The following VPS26C variants were observed in gnomAD, a reference collection of about 807,000 sequenced individuals.
The protein encoded by VPS26C is VPS26 endosomal protein sorting factor C, also known as vacuolar protein sorting-associated protein 26C.
In VPS26C, 19 loss-of-function variants were observed where a neutral mutation model predicts 30.6. The observed-to-expected ratio is 0.62, with a 90% CI of 0.43 to 0.91. The LOEUF is 0.91. Among genes scored for constraint, VPS26C ranks in the 40% least tolerant of loss-of-function variants. VPS26C has a pLI of 0.00. For missense variants in VPS26C, 318 were observed against 385.1 expected (o/e 0.83, Z 1.46); for synonymous variants, 132 against 151.5 (o/e 0.87, Z 0.95).
chr21:37,262,197 A>G lies in VPS26C; in HGVS notation c.57+5041T>C, dbSNP rs979979580. On this transcript the variant is annotated intron_variant, in intron 1 of 7. Coordinates refer to ENST00000309117, the MANE Select transcript of VPS26C (RefSeq NM_006052.2). ...GCAACTATAAACACCTGGTCAACCAAGTAAAAGAAACAGTCTAAAGGACTC... is the reference window on the plus strand; with the variant it reads ...GCAACTATAAACACCTGGTCAACCAGGTAAAAGAAACAGTCTAAAGGACTC... 8.5e-5 allele frequency among the ~76,000 whole-genome samples: 13 copies of G among 152,356 alleles called. 1 individual carries two copies. Among genetic ancestry groups the G allele is most frequent in the South Asian group, 6.2e-4 (3 of 4,832 alleles).
At chr21:37,242,143 TG>T (rs1203736478) in intron 1 of VPS26C, among the ~76,000 whole-genome samples, 2 of 152,244 alleles carry the variant, frequency 1.3e-5, no homozygotes, top group African/African-American at 4.8e-5. Flanking sequence ...GAGATGACTG[TG>T]TTTGTTTCAA....
rs1273642652 is a variant in VPS26C, at chr21:37,233,628, TTC to T, written c.352-188_352-187del. Among the ~76,000 whole-genome samples, 6 of 152,148 alleles carry T rather than the reference TTC, an allele frequency of 3.9e-5. No homozygotes were observed. Among genetic ancestry groups the T allele is most frequent in the African/African-American group, 1.4e-4 (6 of 41,446 alleles). Reference sequence around the variant, plus strand: ...TAGTTAATGTTCAAAATAAAGGCATTTCTGTTTTAAAAATGAACCACTTTAAG... The same window carrying T: ...TAGTTAATGTTCAAAATAAAGGCATTTGTTTTAAAAATGAACCACTTTAAG... On this transcript the variant is annotated intron_variant, in intron 3 of 7. Transcript: ENST00000309117. The surrounding 1 kb of genome is among the most constrained non-coding windows in gnomAD (Gnocchi z 5.2).
At chr21:37,232,537 A>G (rs1403267204) in intron 4 of VPS26C, 86 bp from the exon 5 acceptor site, 1 of 1,158,156 alleles carries the variant, frequency 8.6e-7, no homozygotes, top group East Asian at 2.4e-5. Context: ...AAAATAAACC[A>G]ACGGCAGCCT....
intron 1 of VPS26C, among the ~76,000 whole-genome samples, chr21:37,255,892 G>C (rs1246880408): frequency 2.3e-5 from 3 of 131,672 alleles, no homozygotes; most frequent in Non-Finnish European, 4.5e-5. Flanking sequence ...CTGGAGTGCA[G>C]TGGTGCAATC....
At chr21:37,262,730 A>G (rs1350658217) in intron 1 of VPS26C, among the ~76,000 whole-genome samples, 1 of 151,458 alleles carries the variant, frequency 6.6e-6, no homozygotes. Context: ...GAGTAAGGAG[A>G]CTTCACTTTT....
Position 37,233,426 on chromosome 21 carries a change from T to C in VPS26C, c.368A>G (p.Asp123Gly), listed in dbSNP as rs1483857375. ...FVNIQYTLRC[D>G]MKRSLLAKDL... The stretch of plus-strand genomic sequence containing the variant: ...CTTGGCCAACAGAGACCGCTTCATG[T>C]CACAGCGCAGTGTATACTAAAGGGG... The change falls in exon 4 of 8, where the codon GAC becomes GGC. Residue 123 changes from aspartate (D) to glycine (G), a missense_variant. Physicochemically the swap from Asp to Gly is moderately conservative, Grantham distance 94. Transcript: ENST00000309117. This position sits in a 1 kb window ranked among gnomAD's most constrained non-coding sequence, Gnocchi z 5.2. The C allele has an allele frequency of 1.2e-6, 2 of 1,614,004 alleles. No individual in the cohort carries two copies. The highest frequency in any genetic ancestry group is 8.5e-7 in the Non-Finnish European group (1 of 1,179,984).
At chr21:37,246,923 A>G (rs1311118552) in intron 1 of VPS26C, among the ~76,000 whole-genome samples, 2 of 151,972 alleles carry the variant, frequency 1.3e-5, no homozygotes, top group African/African-American at 4.8e-5. Context: ...ACACCCAGCT[A>G]ATTTTTGTAT....
Position 37,227,772 on chromosome 21 carries a change from CTCCG to C in VPS26C, c.689_692del (p.Thr230ArgfsTer62). 6.2e-7 allele frequency: 1 copy of C among 1,614,178 alleles called. No individual in the cohort carries two copies. The highest frequency in any genetic ancestry group is 8.5e-7 in the Non-Finnish European group (1 of 1,180,048). ...CGTCGGCGATCTGAATGTTCTGAAT[CTCCG>C]TGGCGTCGCGGGCATAGCCTTCTGC... On this transcript the variant is annotated frameshift_variant, in exon 7 of 8. Coordinates refer to ENST00000309117, the MANE Select transcript of VPS26C (RefSeq NM_006052.2). LOFTEE classifies it high-confidence loss of function.
intron 5 of VPS26C, among the ~76,000 whole-genome samples, chr21:37,230,254 G>A (rs762666619): frequency 3.3e-5 from 5 of 152,126 alleles, no homozygotes; most frequent in South Asian, 2.1e-4. Flanking sequence ...TCTTTTAGGC[G>A]ACTGATGAAA....
rs747042118 is a variant in VPS26C, at chr21:37,257,944, C to T, written c.57+9294G>A. Among the ~76,000 whole-genome samples the T allele has an allele frequency of 6.6e-6, 1 of 152,188 alleles. No individual in the cohort carries two copies. Among genetic ancestry groups the T allele is most frequent in the Non-Finnish European group, 1.5e-5 (1 of 68,024 alleles). Reference sequence around the variant, plus strand: ...GAAGCACCATGCAGCGCCCACCAGCCGGCAGCGCCCACCAGCCTGCGCTGC... The same window carrying T: ...GAAGCACCATGCAGCGCCCACCAGCTGGCAGCGCCCACCAGCCTGCGCTGC... On this transcript the variant is annotated intron_variant, in intron 1 of 7. Coordinates refer to ENST00000309117, the MANE Select transcript of VPS26C (RefSeq NM_006052.2). This position sits in a 1 kb window ranked among gnomAD's most constrained non-coding sequence, Gnocchi z 4.2.
Position 37,226,685 on chromosome 21 carries a change from T to TTA in VPS26C, c.811+967_811+968dup, listed in dbSNP as rs1008882855. 2.0e-5 allele frequency: 3 copies of TTA among 152,174 alleles called. No homozygotes were observed. Among genetic ancestry groups the TTA allele is most frequent in the African/African-American group, 7.2e-5 (3 of 41,434 alleles). The allele number at this position is 152,174 out of a possible 1,614,324, so 9.4% of individuals were successfully genotyped here. On this transcript the variant is annotated intron_variant, in intron 7 of 7. Transcript: ENST00000309117. This position sits in a 1 kb window ranked among gnomAD's most constrained non-coding sequence, Gnocchi z 4.1. ...AGCCGCCATGATACCCAGGCGCTGC[T>TTA]TAGAGTCCGAGTGAGTTCCAGTCTC... is the stretch of plus-strand genomic sequence containing the variant.
intron 1 of VPS26C, among the ~76,000 whole-genome samples, chr21:37,256,141 C>A (rs557595979): frequency 1.3e-5 from 2 of 152,212 alleles, no homozygotes; most frequent in Non-Finnish European, 2.9e-5. Flanking sequence ...CGGCCCTAGG[C>A]ACTGTATTAT....
chr21:37,261,675 A>G (rs2086305675), intron 1 of VPS26C: 2 of 152,104 alleles, frequency 1.3e-5, no homozygotes, highest in Non-Finnish European at 2.9e-5. Context: ...TGGAAATTAG[A>G]AGATATTTTA....
At chr21:37,229,570 A>G (rs1215869049) in intron 5 of VPS26C, 1 of 152,262 alleles carries the variant, frequency 6.6e-6, no homozygotes, top group Admixed American at 6.5e-5. Flanking sequence ...ATTAAAAAAG[A>G]AGGTAAAATT....
rs1315816013 is a variant in VPS26C at position 37,227,801 on chromosome 21, C to T, written c.664G>A (p.Ala222Thr). The change falls in exon 7 of 8, where the codon GCA becomes ACA. Residue 222 changes from alanine to threonine, a missense_variant. Ala to Thr is a moderately conservative substitution (Grantham distance 58, BLOSUM62 0). Coordinates refer to ENST00000309117, the MANE Select transcript of VPS26C (RefSeq NM_006052.2). ...GTGGCGTCGCGGGCATAGCCTTCTG[C>T]ACACCCTGCGGGAGGGAGGCCACAT... ...QLVRVETCGC[A>T]EGYARDATEI... The T allele has an allele frequency of 4.3e-6, 7 of 1,613,896 alleles. No homozygotes were observed. The South Asian group carries it at 5.5e-5, about 13-fold the overall frequency.
At chr21:37,250,179 C>T (rs1001902445) in intron 1 of VPS26C, among the ~76,000 whole-genome samples, 1 of 152,056 alleles carries the variant, frequency 6.6e-6, no homozygotes, top group Non-Finnish European at 1.5e-5. Flanking sequence ...ATGATACATG[C>T]CTATAGTCCC....
At chr21:37,246,805 T>G (rs1432385642) in intron 1 of VPS26C, among the ~76,000 whole-genome samples, 1 of 152,240 alleles carries the variant, frequency 6.6e-6, no homozygotes, top group Non-Finnish European at 1.5e-5. Flanking sequence ...TCACCCAGGC[T>G]GGAGTACAGT....
At chr21:37,268,087 G>A (rs2086390777), upstream of VPS26C, 1 of 152,286 alleles carries the variant, frequency 6.6e-6, no homozygotes, top group Non-Finnish European at 1.5e-5. Context: ...GCGGGCGCTG[G>A]GTCACCCGCC....
chr21:37,247,871 C>G (rs575266075), intron 1 of VPS26C, among the ~76,000 whole-genome samples: 67 of 152,228 alleles, frequency 4.4e-4, no homozygotes, highest in African/African-American at 1.5e-3. Context: ...AGGAGCAACT[C>G]ACAATAAAGA....
Sources: allele counts gnomAD v4.1 joint callset (sites outside exome capture counted in the v4.1 genomes callset), GRCh38; gene constraint gnomAD v4.1.1; non-coding constraint Gnocchi (gnomAD v3.1); transcripts MANE v1.5; gene names NCBI Gene and HGNC (gene_info 2026-07-23, HGNC 2026-07-21).